Variants in RAD52 observed in about 807,000 individuals in gnomAD.
The protein encoded by RAD52 is RAD52 DNA repair protein, also known as DNA repair protein RAD52 homolog.
RAD52 carries 47 observed loss-of-function variants against 55.5 expected under a neutral mutation model. The ratio of observed to expected loss-of-function variants is 0.85; its 90% CI spans 0.67 to 1.08. The LOEUF (loss-of-function observed/expected upper bound fraction) is 1.08. RAD52 is among the 50% of genes least tolerant of loss of function. The probability of loss-of-function intolerance (pLI) is 0.00; values close to 1 mark genes in which losing one functional copy is unlikely to be tolerated. For synonymous variants in RAD52, 184 were observed against 198.9 expected (o/e 0.92, Z 0.63); for missense variants, 468 against 522.8 (o/e 0.90, Z 1.02).
intron 1 of RAD52, among the ~76,000 whole-genome samples, chr12:989,557 T>C (rs564000532): frequency 6.6e-6 from 1 of 152,198 alleles, no homozygotes; most frequent in South Asian, 2.1e-4. Context: ...GCCAGTGTGG[T>C]GGCAAAAAAT....
chr12:930,236 A>G, intron 3 of RAD52, 92 bp from the exon 4 acceptor site: 3 of 1,041,988 alleles, frequency 2.9e-6, no homozygotes, highest in Non-Finnish European at 4.2e-6. Flanking sequence ...TTCCTCATCT[A>G]CTTTTTTCGA....
At position 916,651 on chromosome 12, in the gene RAD52, T is replaced by C. The variant is rs1181333649; in HGVS notation, c.713A>G (p.Asp238Gly). The C allele has an allele frequency of 6.2e-7, 1 of 1,613,646 alleles. No individual in the cohort carries two copies. Among genetic ancestry groups the C allele is most frequent in the Admixed American group, 1.7e-5 (1 of 59,994 alleles). The change falls in exon 8 of 12, where the codon GAC becomes GGC. Residue 238 changes from aspartate (D) to glycine (G), a missense_variant. Asp to Gly is a moderately conservative substitution (Grantham distance 94, BLOSUM62 -1). Coordinates refer to ENST00000358495, the MANE Select transcript of RAD52 (RefSeq NM_134424.4). Reference sequence around the variant, plus strand: ...TTAGGCCGCATACCGGGAGCTGCAGTCCTGGTCCGCCGGTATCACAGCATG... The same window carrying C: ...TTAGGCCGCATACCGGGAGCTGCAGCCCTGGTCCGCCGGTATCACAGCATG... Reference protein sequence around the residue: ...PSHAVIPADQDCSSRSLSSSA... With the variant: ...PSHAVIPADQGCSSRSLSSSA...
chr12:919,548 G>T (rs548897918), intron 7 of RAD52, among the ~76,000 whole-genome samples: 6 of 152,108 alleles, frequency 3.9e-5, no homozygotes, highest in Non-Finnish European at 8.8e-5. Flanking sequence ...CCAGGAGTTT[G>T]AGACCAGCCT....
intron 7 of RAD52, among the ~76,000 whole-genome samples, chr12:923,401 T>C (rs1056060229): frequency 3.3e-5 from 5 of 151,716 alleles, no homozygotes; most frequent in Admixed American, 6.6e-5. Flanking sequence ...AAAAAATAAA[T>C]TAGCTAGGTG....
chr12:940,053 T>C (rs2154117265), intron 1 of RAD52, among the ~76,000 whole-genome samples: 1 of 149,922 alleles, frequency 6.7e-6, no homozygotes, highest in Non-Finnish European at 1.5e-5. Flanking sequence ...CCAGCCTGGG[T>C]GACAGAATGA....
At chr12:951,942 T>C (rs1451621820), upstream of RAD52, among the ~76,000 whole-genome samples, 5 of 152,134 alleles carry the variant, frequency 3.3e-5, no homozygotes, top group Non-Finnish European at 2.9e-5. Context: ...GTATATATTA[T>C]ATTGTTTTCT....
chr12:984,162 T>C (rs967146532), intron 1 of RAD52, among the ~76,000 whole-genome samples: 3 of 152,172 alleles, frequency 2.0e-5, no homozygotes, highest in Non-Finnish European at 4.4e-5. Flanking sequence ...CCTCCCTCTG[T>C]CCTCTGGCAG....
At chr12:926,947 C>A in intron 6 of RAD52, 198 bp downstream of exon 6, 1 of 1,540,806 alleles carries the variant, frequency 6.5e-7, no homozygotes, top group Non-Finnish European at 8.7e-7. Flanking sequence ...CAAGGGAAGC[C>A]TGAAACAGAA....
intron 2 of RAD52, among the ~76,000 whole-genome samples, chr12:932,599 T>C (rs943153162): frequency 6.6e-6 from 1 of 152,142 alleles, no homozygotes; most frequent in Non-Finnish European, 1.5e-5. Flanking sequence ...AAATATGTTA[T>C]CTATCCCCCC....
intron 1 of RAD52, among the ~76,000 whole-genome samples, chr12:982,144 A>G (rs1306649294): frequency 6.6e-6 from 1 of 152,238 alleles, no homozygotes; most frequent in Non-Finnish European, 1.5e-5. Context: ...TCACAGCCAG[A>G]TAACTCTGTT....
At chr12:980,670 C>T (rs540317633) in intron 1 of RAD52, among the ~76,000 whole-genome samples, 40 of 151,476 alleles carry the variant, frequency 2.6e-4, no homozygotes, top group South Asian at 1.7e-3. Flanking sequence ...GCCACGATCT[C>T]AGCTCACTGC....
At chr12:990,359 A>AAAAAAAC (rs552215238), upstream of RAD52, 5 of 152,054 alleles carry the variant, frequency 3.3e-5, no homozygotes, top group East Asian at 3.9e-4. Context: ...TGGCTCCAAA[A>AAAAAAAC]AAAAAACAAA....
intron 7 of RAD52, among the ~76,000 whole-genome samples, chr12:919,307 A>C (rs1424379363): frequency 6.6e-6 from 1 of 152,118 alleles, no homozygotes; most frequent in African/African-American, 2.4e-5. Flanking sequence ...TTAGCCGGGC[A>C]TGGTGGCGGG....
chr12:955,437 C>A (rs1313212806), intron 1 of RAD52, among the ~76,000 whole-genome samples: 3 of 151,630 alleles, frequency 2.0e-5, no homozygotes, highest in African/African-American at 4.8e-5. Context: ...GCTAACAGAA[C>A]CCTGATTTGG....
At chr12:954,075 A>G (rs1252255866), upstream of RAD52, among the ~76,000 whole-genome samples, 2 of 152,162 alleles carry the variant, frequency 1.3e-5, no homozygotes, top group African/African-American at 4.8e-5. Context: ...TAAAAAAATT[A>G]TATTTCTGAT....
chr12:920,678 A>G (rs1732218296), intron 7 of RAD52, among the ~76,000 whole-genome samples: 3 of 152,242 alleles, frequency 2.0e-5, no homozygotes, highest in African/African-American at 7.2e-5. Context: ...GTAAGGTGAA[A>G]TAAAAGCAAC....
intron 1 of RAD52, among the ~76,000 whole-genome samples, chr12:973,271 A>C (rs566499288): frequency 6.6e-6 from 1 of 151,598 alleles, no homozygotes; most frequent in African/African-American, 2.4e-5. Context: ...GGGTTTCATC[A>C]TGTTAGCCAG....
At chr12:962,379 C>T (rs1405082837) in intron 1 of RAD52, among the ~76,000 whole-genome samples, 2 of 149,180 alleles carry the variant, frequency 1.3e-5, no homozygotes, top group Admixed American at 1.3e-4. Context: ...CTTGCTCTGT[C>T]GCCCAGGCTG....
At chr12:984,688 G>T (rs1427382064) in intron 1 of RAD52, among the ~76,000 whole-genome samples, 4 of 144,448 alleles carry the variant, frequency 2.8e-5, no homozygotes, top group African/African-American at 1.0e-4. Context: ...TTTTTGAGAT[G>T]GAGTCTTGCT....
Sources: allele counts gnomAD v4.1 joint callset (sites outside exome capture counted in the v4.1 genomes callset), GRCh38; gene constraint gnomAD v4.1.1; transcripts MANE v1.5; gene names NCBI Gene and HGNC (gene_info 2026-07-23, HGNC 2026-07-21).